The following ZFR variants were observed in gnomAD, a reference collection of about 807,000 sequenced individuals.
The protein encoded by ZFR is zinc finger RNA binding protein, also known as zinc finger RNA-binding protein.
ZFR carries 19 observed loss-of-function variants against 130.7 expected under a neutral mutation model. The observed-to-expected ratio is 0.15, with a 90% CI of 0.10 to 0.21. The LOEUF is 0.21. Ranked by LOEUF, ZFR falls within the 10% of genes least tolerant of loss-of-function variation. The pLI, the probability that ZFR is intolerant of heterozygous loss-of-function variation, is 1.00. For missense variants in ZFR, 872 were observed against 1,321.5 expected (o/e 0.66, Z 5.27); for synonymous variants, 466 against 456.9 (o/e 1.02, Z -0.25).
At chr5:32,428,394 A>T (rs1754123378) in intron 2 of ZFR, among the ~76,000 whole-genome samples, 1 of 152,196 alleles carries the variant, frequency 6.6e-6, no homozygotes, top group Admixed American at 6.5e-5. Context: ...AGCCTGGACA[A>T]CAGAGAGAGT....
At position 32,365,188 on chromosome 5, in the gene ZFR, C is replaced by T. The variant is rs550701031; in HGVS notation, c.2836-913G>A. ...TACTTAAAAGTTTAAATGAGACTAC[C>T]AACAGCAATTCAAAGAAACTAGTTT... On this transcript the variant is annotated intron_variant, in intron 17 of 19. Coordinates refer to ENST00000265069, the MANE Select transcript of ZFR (RefSeq NM_016107.5). 3.3e-5 allele frequency among the ~76,000 whole-genome samples: 5 copies of T among 152,232 alleles called. No individual in the cohort carries two copies. In the East Asian group the frequency reaches 7.7e-4, roughly 23 times the overall value.
intron 17 of ZFR, among the ~76,000 whole-genome samples, chr5:32,370,260 T>C (rs1342362408): frequency 1.3e-5 from 2 of 151,796 alleles, no homozygotes; most frequent in Admixed American, 6.6e-5. Flanking sequence ...ATACTCATCA[T>C]AGGACACTGT....
At chr5:32,436,133 T>C (rs1225203911) in intron 2 of ZFR, among the ~76,000 whole-genome samples, 1 of 139,118 alleles carries the variant, frequency 7.2e-6, no homozygotes, top group Non-Finnish European at 1.5e-5. Flanking sequence ...GTAACCACAG[T>C]TGTATTCTTT....
At chr5:32,387,881 A>T (rs2910928) in intron 13 of ZFR, among the ~76,000 whole-genome samples, 182 bp from the exon 14 acceptor site, 61,649 of 151,940 alleles carry the variant, frequency 0.41, 12,749 homozygotes, top group East Asian at 0.56. Context: ...TAAAAAAAAA[A>T]AATAATAAAG....
chr5:32,406,597 T>G, intron 6 of ZFR, 177 bp downstream of exon 6: 1 of 842,172 alleles, frequency 1.2e-6, no homozygotes, highest in Non-Finnish European at 1.6e-6. Context: ...CACAATCATC[T>G]TTACAGTTTT....
At chr5:32,399,395 T>C (rs963718980) in intron 9 of ZFR, among the ~76,000 whole-genome samples, 1 of 152,244 alleles carries the variant, frequency 6.6e-6, no homozygotes, top group Non-Finnish European at 1.5e-5. Context: ...CCCAATTTTA[T>C]AGATATCGAC....
chr5:32,434,872 C>T (rs1341582728), intron 2 of ZFR, among the ~76,000 whole-genome samples: 1 of 152,156 alleles, frequency 6.6e-6, no homozygotes, highest in Non-Finnish European at 1.5e-5. Flanking sequence ...ACAATAAACC[C>T]TGAAGGATAC....
intron 1 of ZFR, 93 bp from the exon 2 acceptor site, chr5:32,444,421 G>A (rs898057745): frequency 7.1e-7 from 1 of 1,407,814 alleles, no homozygotes; most frequent in South Asian, 1.3e-5. Flanking sequence ...AAAGAGAGAG[G>A]CGCCGTGAGA....
intron 17 of ZFR, among the ~76,000 whole-genome samples, chr5:32,376,087 C>A (rs1159591597): frequency 6.6e-6 from 1 of 151,732 alleles, no homozygotes; most frequent in Non-Finnish European, 1.5e-5. Context: ...TGTGATCCAC[C>A]CGCCTCGGCC....
At chr5:32,416,712 C>T (rs1239527638) in intron 4 of ZFR, among the ~76,000 whole-genome samples, 1 of 151,332 alleles carries the variant, frequency 6.6e-6, no homozygotes, top group Non-Finnish European at 1.5e-5. Flanking sequence ...TAAAATCTTA[C>T]AACTAGAAGG....
intron 8 of ZFR, 31 bp downstream of exon 8, chr5:32,403,075 G>C (rs1223080753): frequency 6.3e-7 from 1 of 1,596,814 alleles, no homozygotes; most frequent in South Asian, 1.1e-5. Context: ...CTTTGACAGA[G>C]TCAGCAGGGA....
intron 8 of ZFR, among the ~76,000 whole-genome samples, chr5:32,402,692 C>T (rs1041390741): frequency 6.7e-6 from 1 of 150,252 alleles, no homozygotes; most frequent in Non-Finnish European, 1.5e-5. Context: ...GTGGGCGGAT[C>T]GCTTGAGCCC....
intron 17 of ZFR, among the ~76,000 whole-genome samples, chr5:32,371,532 G>C (rs1440604542): frequency 6.6e-6 from 1 of 152,144 alleles, no homozygotes; most frequent in Non-Finnish European, 1.5e-5. Flanking sequence ...GATGACAGCT[G>C]ATTCAACAAA....
At chr5:32,385,770 A>C in intron 14 of ZFR, 121 bp from the exon 15 acceptor site, 1 of 997,456 alleles carries the variant, frequency 1.0e-6, no homozygotes, top group Non-Finnish European at 1.5e-6. Context: ...ACCAGATTAT[A>C]TACTGCTCCT....
At chr5:32,360,107 A>C (rs74571056) in intron 19 of ZFR, among the ~76,000 whole-genome samples, 5,474 of 152,286 alleles carry the variant, frequency 0.036, 116 homozygotes, top group Middle Eastern at 0.075. Flanking sequence ...GATTTAATCT[A>C]TCCCTCCATT....
chr5:32,386,898 G>T (rs1222589291), intron 14 of ZFR, among the ~76,000 whole-genome samples: 1 of 151,842 alleles, frequency 6.6e-6, no homozygotes, highest in East Asian at 1.9e-4. Context: ...AATTATGAAA[G>T]GAATCACTAT....
chr5:32,414,421 A>G (rs947303926), intron 5 of ZFR, among the ~76,000 whole-genome samples: 13 of 152,204 alleles, frequency 8.5e-5, no homozygotes, highest in African/African-American at 3.1e-4. Context: ...GGTTTTAGCC[A>G]TTGTACCTCT....
chr5:32,413,989 C>T (rs1479445844), intron 5 of ZFR, among the ~76,000 whole-genome samples: 1 of 152,150 alleles, frequency 6.6e-6, no homozygotes, highest in African/African-American at 2.4e-5. Context: ...CAATTCATTT[C>T]CACCTGGTTG....
chr5:32,412,861 G>A lies in ZFR; in HGVS notation c.784+2108C>T, dbSNP rs538945427. The stretch of plus-strand genomic sequence containing the variant: ...TGAATGGCATAAAAAATAGTTCTTG[G>A]AACTATTTTTTTCCACTTTTCTGGA... On this transcript the variant is annotated intron_variant, in intron 5 of 19. Transcript: ENST00000265069. Among the ~76,000 whole-genome samples the A allele has an allele frequency of 3.9e-5, 6 of 152,188 alleles. No homozygotes were observed. In the South Asian group the frequency reaches 1.2e-3, roughly 32 times the overall value.
Sources: gnomAD v4.1 joint callset for allele counts (sites outside exome capture counted in the v4.1 genomes callset) on GRCh38, gnomAD v4.1.1 for gene constraint, MANE v1.5 for transcripts, NCBI Gene and HGNC (gene_info 2026-07-23, HGNC 2026-07-21) for gene names.